SNX7: variants seen among roughly 807,000 people sequenced by gnomAD.
SNX7 encodes the protein sorting nexin-7.
A neutral mutation model predicts 48.4 loss-of-function variants in SNX7; 35 were observed. The ratio of observed to expected loss-of-function variants is 0.72; its 90% confidence interval spans 0.55 to 0.96. The LOEUF (loss-of-function observed/expected upper bound fraction) is 0.96, where lower values mean the gene tolerates loss of function less well. SNX7 is among the 40% of genes least tolerant of loss of function. SNX7 has a pLI of 0.00. For synonymous variants in SNX7, 190 were observed against 190.2 expected, an observed-to-expected ratio of 1.00 and a Z score of 0.01; for missense variants, 553 against 548.9, an observed-to-expected ratio of 1.01 and a Z score of -0.07.
chr1:98,732,666 G>A (rs1653576219), intron 7 of SNX7, among the ~76,000 whole-genome samples: 1 of 152,036 alleles, frequency 6.6e-6, no homozygotes, highest in Admixed American at 6.6e-5. Flanking sequence ...ACATCGGTAA[G>A]TCAAGAGCAT....
chr1:98,741,793 C>T (rs906897443), intron 8 of SNX7, among the ~76,000 whole-genome samples: 2 of 152,084 alleles, frequency 1.3e-5, no homozygotes, highest in African/African-American at 4.8e-5. Context: ...TGCTTTGTTG[C>T]TGTCAATGCT....
chr1:98,716,083 C>T (rs1051173357), intron 7 of SNX7, among the ~76,000 whole-genome samples: 10 of 152,234 alleles, frequency 6.6e-5, no homozygotes, highest in African/African-American at 1.7e-4. Context: ...CAGCGAGAGA[C>T]AGGCTCTCAT....
chr1:98,688,404 A>G (rs1192633134), intron 2 of SNX7, among the ~76,000 whole-genome samples: 1 of 152,198 alleles, frequency 6.6e-6, no homozygotes, highest in African/African-American at 2.4e-5. Context: ...AGATCTAAAG[A>G]TGTACGTTCT....
intron 7 of SNX7, among the ~76,000 whole-genome samples, chr1:98,707,632 T>C (rs969698122): frequency 6.6e-6 from 1 of 152,210 alleles, no homozygotes; most frequent in Non-Finnish European, 1.5e-5. Context: ...ATGGATGATT[T>C]ATAGTTTTCC....
intron 1 of SNX7, among the ~76,000 whole-genome samples, chr1:98,671,905 A>C (rs1300906107): frequency 6.6e-6 from 1 of 152,190 alleles, no homozygotes; most frequent in Non-Finnish European, 1.5e-5. Flanking sequence ...TTTAAGATAA[A>C]CAAGCTGAAT....
chr1:98,748,041 A>T (rs1016663543), intron 8 of SNX7, among the ~76,000 whole-genome samples: 1 of 150,730 alleles, frequency 6.6e-6, no homozygotes, highest in East Asian at 2.0e-4. Flanking sequence ...CAGTGCTCCA[A>T]TCTCAGCTCA....
chr1:98,760,408 TGCATATA>T lies in SNX7; in HGVS notation c.*279_*285del. The T allele has an allele frequency of 3.7e-6, 1 of 268,202 alleles. No homozygotes were observed. Among genetic ancestry groups the T allele is most frequent in the Non-Finnish European group, 7.0e-6 (1 of 142,618 alleles). The allele number at this position is 268,202 out of a possible 1,614,324, so 16.6% of individuals were successfully genotyped here. ...GTTCTTAAATTTGTGTGCCAATAAT[TGCATATA>T]GATTTTTTTTCTTAAATATTTGACT... On this transcript the variant is annotated 3_prime_UTR_variant, in exon 9 of 9. Coordinates refer to ENST00000306121, the MANE Select transcript of SNX7 (RefSeq NM_015976.5).
intron 7 of SNX7, among the ~76,000 whole-genome samples, chr1:98,733,446 C>T (rs184825470): frequency 5.9e-5 from 9 of 152,202 alleles, no homozygotes; most frequent in East Asian, 5.8e-4. Context: ...TGTGAAAAGA[C>T]GAACAACCTG....
Position 98,662,985 on chromosome 1 carries a change from CTA to C in SNX7, c.180+1076_180+1077del, listed in dbSNP as rs1393865442. Among the ~76,000 whole-genome samples, 8 of 152,166 alleles carry C rather than the reference CTA, an allele frequency of 5.3e-5. 1 individual carries two copies. Among genetic ancestry groups the C allele is most frequent in the African/African-American group, 7.2e-5 (3 of 41,432 alleles). On this transcript the variant is annotated intron_variant, in intron 1 of 8. Transcript: ENST00000306121. ...TTTGTATTCCGAATATTTAAACAGA[CTA>C]TCACAGTTTTGTGCTCTTGACTTTT...
rs115542394 is a variant in SNX7 at position 98,731,567 on chromosome 1, T to A, written c.1126-6670T>A. On this transcript the variant is annotated intron_variant, in intron 7 of 8. Coordinates refer to ENST00000306121, the MANE Select transcript of SNX7 (RefSeq NM_015976.5). ...ATGATTGGGATATGTTCTGAAAAAA[T>A]TTGTTTTTAGGCTTTCTCATCATTG... 3.1e-3 allele frequency among the ~76,000 whole-genome samples: 476 copies of A among 152,202 alleles called. 4 individuals are homozygous for A. The highest frequency in any genetic ancestry group is 0.011 in the African/African-American group (459 of 41,532).
intron 7 of SNX7, among the ~76,000 whole-genome samples, chr1:98,707,116 A>G (rs539728537): frequency 1.3e-5 from 2 of 152,202 alleles, no homozygotes; most frequent in African/African-American, 2.4e-5. Flanking sequence ...GCATATTTCA[A>G]CATTAAGAGA....
At chr1:98,662,087 G>A (rs1649263696) in intron 1 of SNX7, 176 bp downstream of exon 1, 1 of 584,166 alleles carries the variant, frequency 1.7e-6, no homozygotes, top group East Asian at 3.5e-5. Context: ...GCCGCACCCG[G>A]GGCCGCGTCG....
intron 7 of SNX7, among the ~76,000 whole-genome samples, chr1:98,710,203 A>C (rs745653682): frequency 2.0e-5 from 3 of 152,174 alleles, no homozygotes; most frequent in Non-Finnish European, 4.4e-5. Flanking sequence ...TATTTTCAAA[A>C]TTTTACCAAT....
intron 7 of SNX7, among the ~76,000 whole-genome samples, chr1:98,702,638 A>G (rs1651808965): frequency 1.3e-5 from 2 of 152,250 alleles, no homozygotes; most frequent in African/African-American, 4.8e-5. Context: ...AAAGGTGAGA[A>G]GACTCTTGAA....
At chr1:98,692,834 G>T (rs1474074677) in intron 4 of SNX7, among the ~76,000 whole-genome samples, 3 of 152,116 alleles carry the variant, frequency 2.0e-5, no homozygotes, top group South Asian at 2.1e-4. Context: ...CAAAATATGT[G>T]CATACGTTTT....
chr1:98,717,682 G>C (rs1652661032), intron 7 of SNX7, among the ~76,000 whole-genome samples: 1 of 152,034 alleles, frequency 6.6e-6, no homozygotes, highest in African/African-American at 2.4e-5. Flanking sequence ...TTTATTTTAG[G>C]TTAAATTGAC....
At chr1:98,711,940 T>C (rs1485314291) in intron 7 of SNX7, among the ~76,000 whole-genome samples, 1 of 152,208 alleles carries the variant, frequency 6.6e-6, no homozygotes, top group African/African-American at 2.4e-5. Flanking sequence ...TTAAGAATAC[T>C]CACAGCATCT....
chr1:98,757,397 GC>G (rs1654905588), intron 8 of SNX7, among the ~76,000 whole-genome samples: 2 of 151,894 alleles, frequency 1.3e-5, no homozygotes, highest in South Asian at 2.1e-4. Flanking sequence ...GCTTGCAGAT[GC>G]CCACCTTCCT....
At chr1:98,685,292 T>C (rs1650733617) in intron 2 of SNX7, among the ~76,000 whole-genome samples, 1 of 152,180 alleles carries the variant, frequency 6.6e-6, no homozygotes, top group East Asian at 1.9e-4. Context: ...ACTCATTTTA[T>C]AGCAGCTATA....
Sources: allele counts gnomAD v4.1 joint callset (sites outside exome capture counted in the v4.1 genomes callset), GRCh38; gene constraint gnomAD v4.1.1; transcripts MANE v1.5; gene names NCBI Gene and HGNC (gene_info 2026-07-23, HGNC 2026-07-21).